The following PRPSAP1 variants were observed in gnomAD, a reference collection of about 807,000 sequenced individuals.
PRPSAP1 encodes phosphoribosyl pyrophosphate synthetase associated protein 1, also known as phosphoribosyl pyrophosphate synthase-associated protein 1.
In PRPSAP1, 31 loss-of-function variants were observed where a neutral mutation model predicts 39.4. The observed-to-expected ratio is 0.79, with a 90% CI of 0.59 to 1.06. PRPSAP1 has a LOEUF of 1.06. Among genes scored for constraint, PRPSAP1 ranks in the 50% least tolerant of loss-of-function variants. PRPSAP1 has a pLI of 0.00. For synonymous variants in PRPSAP1, 212 were observed against 192.6 expected (o/e 1.10, Z -0.83); for missense variants, 430 against 511.6 (o/e 0.84, Z 1.54).
chr17:76,333,374 T>C (rs1400022448), intron 3 of PRPSAP1, among the ~76,000 whole-genome samples: 1 of 152,192 alleles, frequency 6.6e-6, no homozygotes, highest in Non-Finnish European at 1.5e-5. Context: ...CCTCCCAAAG[T>C]GCTGGGATTA....
At chr17:76,352,312 A>G (rs1407641245) in intron 1 of PRPSAP1, among the ~76,000 whole-genome samples, 5 of 152,208 alleles carry the variant, frequency 3.3e-5, no homozygotes, top group African/African-American at 4.8e-5. Flanking sequence ...CTCCTCCTTT[A>G]TATCAGAGCT....
chr17:76,340,857 G>A (rs546902756), intron 3 of PRPSAP1, among the ~76,000 whole-genome samples: 121 of 147,380 alleles, frequency 8.2e-4, no homozygotes, highest in African/African-American at 2.8e-3. Context: ...AACCGAGATC[G>A]CGCCATTGCA....
Position 76,318,734 on chromosome 17 carries a change from T to C in PRPSAP1, c.782-4843A>G, listed in dbSNP as rs753865417. ...AGCAATGTGATGATAACTGTGAAAG[T>C]TGCAATGTAAACATACCACTATGTC... is the stretch of plus-strand genomic sequence containing the variant. On this transcript the variant is annotated intron_variant, in intron 7 of 9. Coordinates refer to ENST00000446526, the MANE Select transcript of PRPSAP1 (RefSeq NM_002766.3). Among the ~76,000 whole-genome samples, 18 of 152,144 alleles carry C rather than the reference T, an allele frequency of 1.2e-4. No individual in the cohort carries two copies. In the East Asian group the frequency reaches 1.3e-3, roughly 11 times the overall value.
chr17:76,324,890 T>C (rs1431196961), intron 7 of PRPSAP1, among the ~76,000 whole-genome samples: 2 of 145,146 alleles, frequency 1.4e-5, no homozygotes, highest in African/African-American at 5.1e-5. Context: ...TGAAACCCCA[T>C]CTCTACTAAA....
intron 7 of PRPSAP1, among the ~76,000 whole-genome samples, chr17:76,320,550 A>C (rs974790640): frequency 6.7e-6 from 1 of 148,752 alleles, no homozygotes; most frequent in Non-Finnish European, 1.5e-5. Flanking sequence ...TCAGCCTACC[A>C]AGTAGCTGGG....
chr17:76,329,552 T>C (rs1355125295), intron 6 of PRPSAP1, among the ~76,000 whole-genome samples: 2 of 152,002 alleles, frequency 1.3e-5, no homozygotes, highest in African/African-American at 2.4e-5. Flanking sequence ...CTGATGAACA[T>C]GGTGAAACCC....
intron 3 of PRPSAP1, among the ~76,000 whole-genome samples, chr17:76,339,137 G>C (rs1460784090): frequency 6.6e-6 from 1 of 152,080 alleles, no homozygotes; most frequent in African/African-American, 2.4e-5. Context: ...GGGCACGGTG[G>C]CTCACGTCTA....
intron 3 of PRPSAP1, among the ~76,000 whole-genome samples, chr17:76,344,433 A>G (rs2071473851): frequency 6.7e-6 from 1 of 150,062 alleles, no homozygotes; most frequent in Non-Finnish European, 1.5e-5. Flanking sequence ...CCAGCCAGCA[A>G]TTTCTGTATT....
At chr17:76,314,144 CATTTT>C (rs541248286) in intron 7 of PRPSAP1, 8 of 501,152 alleles carry the variant, frequency 1.6e-5, no homozygotes, top group South Asian at 4.7e-5. Context: ...GAAATTAATA[CATTTT>C]ATTTTATGCA....
chr17:76,322,966 G>C (rs965037992), intron 7 of PRPSAP1, among the ~76,000 whole-genome samples: 7 of 151,820 alleles, frequency 4.6e-5, no homozygotes, highest in Non-Finnish European at 1.5e-5. Flanking sequence ...TGCACTGCAG[G>C]TCTGGGTGAG....
intron 7 of PRPSAP1, among the ~76,000 whole-genome samples, chr17:76,328,288 T>C (rs1341435117): frequency 6.6e-6 from 1 of 151,864 alleles, no homozygotes; most frequent in Non-Finnish European, 1.5e-5. Context: ...TAGCCATTCA[T>C]ACTACTTAAA....
chr17:76,345,237 T>TAAAAA lies in PRPSAP1; in HGVS notation c.224-505_224-501dup, dbSNP rs59693380. Among the ~76,000 whole-genome samples the TAAAAA allele has an allele frequency of 6.3e-3, 394 of 62,190 alleles. 17 individuals are homozygous for TAAAAA. The highest frequency in any genetic ancestry group is 7.9e-3 in the African/African-American group (148 of 18,702). 40.8% of individuals were successfully genotyped at this position (62,190 alleles called of 152,430 possible). ...GTGACAGAGCAAGATTCCGTCTCATTAAAAAAAAAAAAAAAAAAGAGTTCT... is the reference window on the plus strand; with the variant it reads ...GTGACAGAGCAAGATTCCGTCTCATTAAAAAAAAAAAAAAAAAAAAAAAGAGTTCT... On this transcript the variant is annotated intron_variant, in intron 2 of 9. Transcript: ENST00000446526.
At chr17:76,325,406 A>G (rs1473087388) in intron 7 of PRPSAP1, among the ~76,000 whole-genome samples, 1 of 53,986 alleles carries the variant, frequency 1.9e-5, no homozygotes, top group Non-Finnish European at 3.5e-5. Context: ...GAGGAGACTC[A>G]GTCTCAAAAA....
At position 76,353,563 on chromosome 17, in the gene PRPSAP1, G is replaced by C. The variant is rs1377040970; in HGVS notation, c.141C>G (p.Ala47=). 4 of 1,555,352 alleles carry C rather than the reference G, an allele frequency of 2.6e-6. No individual in the cohort carries two copies. Among genetic ancestry groups the C allele is most frequent in the South Asian group, 1.2e-5 (1 of 84,888 alleles). The change falls in exon 1 of 10, where the codon GCC becomes GCG. Residue 47 remains alanine, a synonymous_variant. Transcript: ENST00000446526. ...TGATGCGCTTGGCCAGCTCCGTGCA[G>C]GCGGCCGTGGAGTTGGCCGAGAAGA... ...YRVFSANSTA[A]CTELAKRITE... is the part of the protein sequence containing the mutation.
At chr17:76,330,773 C>T (rs185459306) in intron 4 of PRPSAP1, 107 bp from the exon 5 acceptor site, 18 of 643,582 alleles carry the variant, frequency 2.8e-5, no homozygotes, top group East Asian at 5.7e-5. Flanking sequence ...AGACTGAAGA[C>T]GGGGTACTGT....
chr17:76,332,454 G>C lies in PRPSAP1; in HGVS notation c.291-19C>G. 6.2e-7 allele frequency: 1 copy of C among 1,612,372 alleles called. No homozygotes were observed. On this transcript the variant is annotated intron_variant, in intron 3 of 9. Coordinates refer to ENST00000446526, the MANE Select transcript of PRPSAP1 (RefSeq NM_002766.3). The stretch of plus-strand genomic sequence containing the variant: ...CACATCTCTGAAACAGTCAAAGTTT[G>C]TATTTGGGGATTAATTCCATGTATC...
intron 1 of PRPSAP1, 44 bp downstream of exon 1, chr17:76,353,490 T>C: frequency 6.9e-7 from 1 of 1,457,276 alleles, no homozygotes; most frequent in Non-Finnish European, 9.0e-7. Context: ...GAAGGAGAGC[T>C]AGGCGCCGCC....
At chr17:76,334,457 A>G (rs1279815320) in intron 3 of PRPSAP1, among the ~76,000 whole-genome samples, 1 of 152,116 alleles carries the variant, frequency 6.6e-6, no homozygotes, top group African/African-American at 2.4e-5. Context: ...GTCTCTTCCA[A>G]TTTATGTTTA....
chr17:76,345,040 C>T (rs1188400573), intron 2 of PRPSAP1, among the ~76,000 whole-genome samples: 1 of 151,794 alleles, frequency 6.6e-6, no homozygotes, highest in Non-Finnish European at 1.5e-5. Context: ...TCGAGACCAT[C>T]CTGGCTAACA....
Sources: allele counts gnomAD v4.1 joint callset (sites outside exome capture counted in the v4.1 genomes callset), GRCh38; gene constraint gnomAD v4.1.1; transcripts MANE v1.5; gene names NCBI Gene and HGNC (gene_info 2026-07-23, HGNC 2026-07-21).